OTUD1: variants seen among roughly 807,000 people sequenced by gnomAD.
OTUD1 encodes the protein OTU domain-containing protein 1.
OTUD1 carries 15 observed loss-of-function variants against 30.0 expected under a neutral mutation model. The observed-to-expected ratio is 0.50, with a 90% CI of 0.33 to 0.77. The LOEUF (loss-of-function observed/expected upper bound fraction) is 0.77, where lower values mean the gene tolerates loss of function less well. Ranked by LOEUF, OTUD1 falls within the 30% of genes least tolerant of loss-of-function variation. The pLI, the probability that OTUD1 is intolerant of heterozygous loss-of-function variation, is 0.02. For synonymous variants in OTUD1, 381 were observed against 326.3 expected (o/e 1.17, Z -1.81); for missense variants, 796 against 697.8 (o/e 1.14, Z -1.59).
Position 23,440,697 on chromosome 10 carries a change from C to G in OTUD1, c.1240C>G (p.Pro414Ala). ...GTCTACCATGATTCATTATTTGGGC[C>G]CAGAGGATTCCCTGAGGCCTAGTAT... ...TVSTMIHYLGPEDSLRPSIWL... is the reference protein window; with the variant it reads ...TVSTMIHYLGAEDSLRPSIWL... Residue 414 changes from proline to alanine, a missense_variant, in exon 1 of 1, where the codon CCA (proline) becomes GCA (alanine). By Grantham distance (27) the Pro-to-Ala change is conservative. Transcript: ENST00000376495. 1 of 1,551,834 alleles carries G rather than the reference C, an allele frequency of 6.4e-7. No individual in the cohort carries two copies. Among genetic ancestry groups the G allele is most frequent in the Non-Finnish European group, 8.7e-7 (1 of 1,147,038 alleles).
At position 23,440,071 on chromosome 10, in the gene OTUD1, C is replaced by T; in HGVS notation, c.614C>T (p.Ala205Val). Residue 205 changes from alanine to valine, a missense_variant, in exon 1 of 1, where the codon GCC becomes GTC. Transcript: ENST00000376495. ...LSEHRQALAA[A>V]KHRGPAATPG... ...GAGCACCGCCAGGCCCTGGCCGCCG[C>T]CAAGCACCGAGGCCCCGCGGCGACC... 2.8e-6 allele frequency: 4 copies of T among 1,449,344 alleles called. No homozygotes were observed. Among genetic ancestry groups the T allele is most frequent in the Non-Finnish European group, 3.6e-6 (4 of 1,107,866 alleles). 89.8% of individuals were successfully genotyped at this position (1,449,344 alleles called of 1,614,324 possible). A position where few individuals can be genotyped will look rare whatever the true frequency, so the allele number is the denominator to read the frequency against.
Position 23,439,682 on chromosome 10 carries a change from C to G in OTUD1, c.225C>G (p.Phe75Leu), listed in dbSNP as rs1390333366. The part of the protein sequence containing the change: ...AAVPAAKMPA[F>L]SSCFEVVSGA... ...TCCCCGCCGCCAAGATGCCCGCCTT[C>G]TCCTCCTGCTTCGAGGTGGTGTCCG... Residue 75 changes from phenylalanine to leucine, a missense_variant, in exon 1 of 1, where the codon TTC becomes TTG. Physicochemically the swap from Phe to Leu is conservative, Grantham distance 22 (BLOSUM62 0). Transcript: ENST00000376495. 7.8e-7 allele frequency: 1 copy of G among 1,285,604 alleles called. No homozygotes were observed. 79.6% of individuals were successfully genotyped at this position (1,285,604 alleles called of 1,614,324 possible).
rs908888299 is a variant in OTUD1, at chr10:23,439,080, C to A, written c.-378C>A. The stretch of plus-strand genomic sequence containing the variant: ...CGCGGCCCCGCCTCCCGGGCCTCCG[C>A]GCGCACCGCGCTCCTCCTCGCCGGC... On this transcript the variant is annotated 5_prime_UTR_variant, in exon 1 of 1. Transcript: ENST00000376495. Among the ~76,000 whole-genome samples the A allele has an allele frequency of 6.6e-6, 1 of 150,398 alleles. No individual in the cohort carries two copies. Among genetic ancestry groups the A allele is most frequent in the Admixed American group, 6.6e-5 (1 of 15,112 alleles).
Position 23,439,259 on chromosome 10 carries a change from G to A in OTUD1, c.-199G>A, listed in dbSNP as rs954939710. ...CGTCCCGTCCCCGCCCCCCTGCGCT[G>A]TGGCGCAGCAGGAATTTGGCCGGGA... On this transcript the variant is annotated 5_prime_UTR_variant, in exon 1 of 1. The change creates a new upstream start codon in the 5' untranslated region. Coordinates refer to ENST00000376495, the MANE Select transcript of OTUD1 (RefSeq NM_001145373.3). 1.3e-5 allele frequency among the ~76,000 whole-genome samples: 2 copies of A among 151,406 alleles called. No individual in the cohort carries two copies. The highest frequency in any genetic ancestry group is 3.0e-5 in the Non-Finnish European group (2 of 67,780).
In OTUD1 at chr10:23,440,223, G is replaced by A. The variant is rs1352709754; in HGVS notation, c.766G>A (p.Asp256Asn). Residue 256 changes from aspartate to asparagine, a missense_variant, in exon 1 of 1, where the codon GAC (aspartate) becomes AAC (asparagine). Asp to Asn is a conservative substitution (Grantham distance 23, BLOSUM62 1). Coordinates refer to ENST00000376495, the MANE Select transcript of OTUD1 (RefSeq NM_001145373.3). ...CGGTGGGGACGCGGCGCGGAGGCCC[G>A]ACCCAGAGGCCGAGGCACCCCCCGC... is the stretch of plus-strand genomic sequence containing the variant. ...APGGDAARRP[D>N]PEAEAPPAGS... The A allele has an allele frequency of 3.9e-6, 6 of 1,525,958 alleles. No individual in the cohort carries two copies. In the African/African-American group the frequency reaches 5.5e-5, roughly 14 times the overall value. The allele number at this position is 1,525,958 out of a possible 1,614,324, so 94.5% of individuals were successfully genotyped here.
rs1259018977 is a variant in OTUD1 at position 23,440,601 on chromosome 10, C to T, written c.1144C>T (p.Leu382=). The T allele has an allele frequency of 5.2e-6, 8 of 1,551,602 alleles. No individual in the cohort carries two copies. Among genetic ancestry groups the T allele is most frequent in the African/African-American group, 4.1e-5 (3 of 73,064 alleles). ...GGCATGGGCCGGGTACCCGGAGTTG[C>T]TGGCCATGGGGCAGATGCTGAATGT... ...DGAWAGYPEL[L]AMGQMLNVNI... Residue 382 remains leucine (L), a synonymous_variant, in exon 1 of 1, where the codon CTG becomes TTG. Transcript: ENST00000376495.
rs940565470 is a variant in OTUD1, at chr10:23,441,603, T to G, written c.*700T>G. ...GGTTTTTGTTTTGTTTTTCCTCTTT[T>G]AAGGGATAGTAGCAGGTCTTACTTG... On this transcript the variant is annotated 3_prime_UTR_variant, in exon 1 of 1. Coordinates refer to ENST00000376495, the MANE Select transcript of OTUD1 (RefSeq NM_001145373.3). 1 of 166,968 alleles carries G rather than the reference T, an allele frequency of 6.0e-6. No homozygotes were observed. The highest frequency in any genetic ancestry group is 1.5e-5 in the Non-Finnish European group (1 of 68,186). 10.3% of individuals were successfully genotyped at this position (166,968 alleles called of 1,614,324 possible). A position where few individuals can be genotyped will look rare whatever the true frequency, so the allele number is the denominator to read the frequency against.
rs1847109708 is a variant in OTUD1, at chr10:23,440,007, G to T, written c.550G>T (p.Ala184Ser). The T allele has an allele frequency of 7.1e-7, 1 of 1,410,928 alleles. No homozygotes were observed. Among genetic ancestry groups the T allele is most frequent in the South Asian group, 1.5e-5 (1 of 67,090 alleles). The allele number at this position is 1,410,928 out of a possible 1,614,324, so 87.4% of individuals were successfully genotyped here. Residue 184 changes from alanine (A) to serine (S), a missense_variant, in exon 1 of 1, where the codon GCG becomes TCG. Physicochemically the swap from Ala to Ser is moderately conservative, Grantham distance 99. Transcript: ENST00000376495. The stretch of plus-strand genomic sequence containing the variant: ...CTGCCCCGAGCCCGCGGGCTTGGAC[G>T]CGACACGGGAGGGGCCCGATCGGAA... ...PDCPEPAGLD[A>S]TREGPDRNFR...
rs1260215117 is a variant in OTUD1 at position 23,440,511 on chromosome 10, G to A, written c.1054G>A (p.Asp352Asn). The A allele has an allele frequency of 1.3e-6, 2 of 1,551,610 alleles. No individual in the cohort carries two copies. Among genetic ancestry groups the A allele is most frequent in the East Asian group, 2.4e-5 (1 of 40,932 alleles). ...QTVHYIADHL[D>N]HFSPLIEGDV... ...GGTGCACTACATCGCCGACCATCTC[G>A]ACCACTTCAGCCCCCTGATTGAGGG... Residue 352 changes from aspartate to asparagine, a missense_variant, in exon 1 of 1, where the codon GAC (aspartate) becomes AAC (asparagine). Asp to Asn is a conservative substitution (Grantham distance 23, BLOSUM62 1). Coordinates refer to ENST00000376495, the MANE Select transcript of OTUD1 (RefSeq NM_001145373.3).
rs1261236087 is a variant in OTUD1, at chr10:23,442,073, T to A, written c.*1170T>A. On this transcript the variant is annotated 3_prime_UTR_variant, in exon 1 of 1. Coordinates refer to ENST00000376495, the MANE Select transcript of OTUD1 (RefSeq NM_001145373.3). ...TAAGTAATGCAGTTTGTACTTTTTTTATTTTGTAACATTTTGTGATTTTTT... is the reference window on the plus strand; with the variant it reads ...TAAGTAATGCAGTTTGTACTTTTTTAATTTTGTAACATTTTGTGATTTTTT... 6.0e-6 allele frequency: 1 copy of A among 167,054 alleles called. No homozygotes were observed. The highest frequency in any genetic ancestry group is 1.9e-4 in the East Asian group (1 of 5,208). The allele number at this position is 167,054 out of a possible 1,614,324, so 10.3% of individuals were successfully genotyped here. A position where few individuals can be genotyped will look rare whatever the true frequency, so the allele number is the denominator to read the frequency against.
Position 23,440,308 on chromosome 10 carries a change from A to G in OTUD1, c.851A>G (p.Asp284Gly). ...GAGCCGGTGATCGTCTCCAGGTCGG[A>G]TCCCAGAGACGAGAAGCTGGCCCTA... Reference protein sequence around the residue: ...AAEPVIVSRSDPRDEKLALYL... With the variant: ...AAEPVIVSRSGPRDEKLALYL... The change falls in exon 1 of 1, where the codon GAT (aspartate) becomes GGT (glycine). Residue 284 changes from aspartate (D) to glycine (G), a missense_variant. Physicochemically the swap from Asp to Gly is moderately conservative, Grantham distance 94. Transcript: ENST00000376495. The G allele has an allele frequency of 6.4e-7, 1 of 1,550,964 alleles. No homozygotes were observed. The highest frequency in any genetic ancestry group is 1.4e-5 in the African/African-American group (1 of 73,188).
Position 23,440,161 on chromosome 10 carries a change from G to A in OTUD1, c.704G>A (p.Arg235Lys), listed in dbSNP as rs908024035. 8.3e-6 allele frequency: 12 copies of A among 1,442,800 alleles called. No homozygotes were observed. Among genetic ancestry groups the A allele is most frequent in the Non-Finnish European group, 1.1e-5 (12 of 1,101,862 alleles). The allele number at this position is 1,442,800 out of a possible 1,614,324, so 89.4% of individuals were successfully genotyped here. A position where few individuals can be genotyped will look rare whatever the true frequency, so the allele number is the denominator to read the frequency against. The change falls in exon 1 of 1, where the codon AGG becomes AAG. Residue 235 changes from arginine (R) to lysine (K), a missense_variant. Physicochemically the swap from Arg to Lys is conservative, Grantham distance 26 (BLOSUM62 2). Transcript: ENST00000376495. Reference sequence around the variant, plus strand: ...GAGCACTTGGCGGAGAGGGGCCCCAGGGGCTGGGAGAGGGGCGGCGATCGC... The same window carrying A: ...GAGCACTTGGCGGAGAGGGGCCCCAAGGGCTGGGAGAGGGGCGGCGATCGC... Reference protein sequence around the residue: ...GEEHLAERGPRGWERGGDRCD... With the variant: ...GEEHLAERGPKGWERGGDRCD...
rs1437515989 is a variant in OTUD1, at chr10:23,440,132, C to T, written c.675C>T (p.Gly225=). 1.4e-6 allele frequency: 2 copies of T among 1,429,336 alleles called. No individual in the cohort carries two copies. Among genetic ancestry groups the T allele is most frequent in the Non-Finnish European group, 1.8e-6 (2 of 1,100,056 alleles). 88.5% of individuals were successfully genotyped at this position (1,429,336 alleles called of 1,614,324 possible). A position where few individuals can be genotyped will look rare whatever the true frequency, so the allele number is the denominator to read the frequency against. ...CCGATCCCGGCCCCGGTCCGTGGGG[C>T]GAAGAGCACTTGGCGGAGAGGGGCC... ...GSPDPGPGPW[G]EEHLAERGPR... Residue 225 remains glycine, a synonymous_variant, in exon 1 of 1, where the codon GGC becomes GGT. Transcript: ENST00000376495.
In OTUD1 at chr10:23,440,014, G is replaced by A; in HGVS notation, c.557G>A (p.Arg186Gln). Residue 186 changes from arginine (R) to glutamine (Q), a missense_variant, in exon 1 of 1, where the codon CGG (arginine) becomes CAG (glutamine). Arg to Gln is a conservative substitution (Grantham distance 43). Coordinates refer to ENST00000376495, the MANE Select transcript of OTUD1 (RefSeq NM_001145373.3). ...CPEPAGLDAT[R>Q]EGPDRNFRLS... The stretch of plus-strand genomic sequence containing the variant: ...GAGCCCGCGGGCTTGGACGCGACAC[G>A]GGAGGGGCCCGATCGGAACTTCCGA... The A allele has an allele frequency of 7.0e-7, 1 of 1,426,132 alleles. No individual in the cohort carries two copies. Among genetic ancestry groups the A allele is most frequent in the South Asian group, 1.4e-5 (1 of 69,980 alleles). The allele number at this position is 1,426,132 out of a possible 1,614,324, so 88.3% of individuals were successfully genotyped here. A position where few individuals can be genotyped will look rare whatever the true frequency, so the allele number is the denominator to read the frequency against.
chr10:23,442,066 CTTT>C lies in OTUD1; in HGVS notation c.*1168_*1170del, dbSNP rs746828121. Reference sequence around the variant, plus strand: ...TATTTATTAAGTAATGCAGTTTGTACTTTTTTTATTTTGTAACATTTTGTGATT... The same window carrying C: ...TATTTATTAAGTAATGCAGTTTGTACTTTTATTTTGTAACATTTTGTGATT... On this transcript the variant is annotated 3_prime_UTR_variant, in exon 1 of 1. Transcript: ENST00000376495. 1 of 166,872 alleles carries C rather than the reference CTTT, an allele frequency of 6.0e-6. No individual in the cohort carries two copies. The highest frequency in any genetic ancestry group is 1.9e-4 in the East Asian group (1 of 5,196). 10.3% of individuals were successfully genotyped at this position (166,872 alleles called of 1,614,324 possible). A position where few individuals can be genotyped will look rare whatever the true frequency, so the allele number is the denominator to read the frequency against.
At position 23,439,104 on chromosome 10, in the gene OTUD1, GC is replaced by G. The variant is rs1847095772; in HGVS notation, c.-353del. 6.6e-6 allele frequency among the ~76,000 whole-genome samples: 1 copy of G among 150,642 alleles called. No homozygotes were observed. Among genetic ancestry groups the G allele is most frequent in the Non-Finnish European group, 1.5e-5 (1 of 67,458 alleles). On this transcript the variant is annotated 5_prime_UTR_variant, in exon 1 of 1. Coordinates refer to ENST00000376495, the MANE Select transcript of OTUD1 (RefSeq NM_001145373.3). ...GCGCGCACCGCGCTCCTCCTCGCCG[GC>G]GGGACGCGCTCCAACGGGGCGGGCG...
chr10:23,440,710 T>A lies in OTUD1; in HGVS notation c.1253T>A (p.Leu418Gln), dbSNP rs1847117854. The stretch of plus-strand genomic sequence containing the variant: ...CATTATTTGGGCCCAGAGGATTCCC[T>A]GAGGCCTAGTATTTGGCTCAGTTGG... ...MIHYLGPEDS[L>Q]RPSIWLSWLS... The change falls in exon 1 of 1, where the codon CTG (leucine) becomes CAG (glutamine). Residue 418 changes from leucine (L) to glutamine (Q), a missense_variant. Leu to Gln is a moderately radical substitution (Grantham distance 113). Coordinates refer to ENST00000376495, the MANE Select transcript of OTUD1 (RefSeq NM_001145373.3). The A allele has an allele frequency of 2.6e-6, 4 of 1,551,964 alleles. No homozygotes were observed. The African/African-American group carries it at 4.1e-5, about 16-fold the overall frequency.
At position 23,440,880 on chromosome 10, in the gene OTUD1, A is replaced by G. The variant is rs1203376124; in HGVS notation, c.1423A>G (p.Ile475Val). 4 of 1,551,522 alleles carry G rather than the reference A, an allele frequency of 2.6e-6. No homozygotes were observed. The highest frequency in any genetic ancestry group is 1.2e-5 in the South Asian group (1 of 84,032). The change falls in exon 1 of 1, where the codon ATT (isoleucine) becomes GTT (valine). Residue 475 changes from isoleucine (I) to valine (V), a missense_variant. Transcript: ENST00000376495. Reference protein sequence around the residue: ...SMAISLSKMYIEQNACS With the variant: ...SMAISLSKMYVEQNACS ...GGCCATATCCTTGTCTAAAATGTAT[A>G]TTGAACAAAATGCATGCTCTTGAAA...
rs1298003382 is a variant in OTUD1, at chr10:23,440,337, C to G, written c.880C>G (p.Leu294Val). ...DPRDEKLALY[L>V]AEVEKQDKYL... ...CAGAGACGAGAAGCTGGCCCTATAC[C>G]TGGCCGAGGTGGAGAAGCAGGACAA... The change falls in exon 1 of 1, where the codon CTG (leucine) becomes GTG (valine). Residue 294 changes from leucine (L) to valine (V), a missense_variant. Leu to Val is a conservative substitution (Grantham distance 32). Transcript: ENST00000376495. 9 of 1,551,242 alleles carry G rather than the reference C, an allele frequency of 5.8e-6. No homozygotes were observed. The highest frequency in any genetic ancestry group is 7.8e-6 in the Non-Finnish European group (9 of 1,146,918).
Sources: gnomAD v4.1 joint callset for allele counts (sites outside exome capture counted in the v4.1 genomes callset) on GRCh38, gnomAD v4.1.1 for gene constraint, MANE v1.5 for transcripts, NCBI Gene and HGNC (gene_info 2026-07-23, HGNC 2026-07-21) for gene names.